Variants in FRRS1 observed in about 807,000 individuals in gnomAD.
FRRS1 encodes ferric reductase 1.
A neutral mutation model predicts 70.7 loss-of-function variants in FRRS1; 51 were observed. The ratio of observed to expected loss-of-function variants is 0.72; its 90% CI spans 0.58 to 0.91. The LOEUF is 0.91. FRRS1 is among the 40% of genes least tolerant of loss of function. The probability of loss-of-function intolerance (pLI) is 0.00; values close to 1 mark genes in which losing one functional copy is unlikely to be tolerated. For missense variants in FRRS1, 672 were observed against 726.0 expected, an observed-to-expected ratio of 0.93 and a Z score of 0.86; for synonymous variants, 225 against 238.7, an observed-to-expected ratio of 0.94 and a Z score of 0.53.
intron 9 of FRRS1, 28 bp from the exon 10 acceptor site, chr1:99,719,675 G>A (rs1389784646): frequency 1.7e-6 from 2 of 1,181,820 alleles, no homozygotes; most frequent in East Asian, 2.3e-5. Context: ...AATTAAACAT[G>A]ACAAAGAATA....
At chr1:99,751,954 C>T (rs1656588799) in intron 1 of FRRS1, among the ~76,000 whole-genome samples, 1 of 152,174 alleles carries the variant, frequency 6.6e-6, no homozygotes. Context: ...TCGTATGCTT[C>T]TATATCAGCA....
chr1:99,728,659 G>C lies in FRRS1; in HGVS notation c.859-19C>G, dbSNP rs1232495981. 6.2e-7 allele frequency: 1 copy of C among 1,607,354 alleles called. No homozygotes were observed. Among genetic ancestry groups the C allele is most frequent in the South Asian group, 1.1e-5 (1 of 90,388 alleles). ...GGGTATCCTACAAACACACACAATGGGTCTTCTCAGCACTTTCCAAAGATT... is the reference window on the plus strand; with the variant it reads ...GGGTATCCTACAAACACACACAATGCGTCTTCTCAGCACTTTCCAAAGATT... On this transcript the variant is annotated intron_variant, in intron 8 of 16. Coordinates refer to ENST00000646001, the MANE Select transcript of FRRS1 (RefSeq NM_001361041.2).
chr1:99,707,069 G>A lies in FRRS1; in HGVS notation c.*1959C>T, dbSNP rs1383799188. On this transcript the variant is annotated 3_prime_UTR_variant, in exon 17 of 17. Coordinates refer to ENST00000646001, the MANE Select transcript of FRRS1 (RefSeq NM_001361041.2). ...TTCAAAAGGAAAATTTAGATTATAA[G>A]TAGCATGGCACATATAGAATATGAA... is the stretch of plus-strand genomic sequence containing the variant. Among the ~76,000 whole-genome samples the A allele has an allele frequency of 2.6e-5, 4 of 151,960 alleles. No individual in the cohort carries two copies. The highest frequency in any genetic ancestry group is 2.9e-5 in the Non-Finnish European group (2 of 68,014).
intron 9 of FRRS1, among the ~76,000 whole-genome samples, chr1:99,725,736 T>G (rs1357293475): frequency 3.3e-5 from 5 of 152,112 alleles, no homozygotes; most frequent in Admixed American, 2.0e-4. Context: ...TCTGAGGGAG[T>G]GTTAGAACTA....
chr1:99,725,592 G>A (rs1256047977), intron 9 of FRRS1, among the ~76,000 whole-genome samples: 1 of 152,136 alleles, frequency 6.6e-6, no homozygotes, highest in Non-Finnish European at 1.5e-5. Flanking sequence ...CATTAAGCGC[G>A]ACACTTGGAG....
At chr1:99,719,835 GA>G (rs1239352280) in intron 9 of FRRS1, among the ~76,000 whole-genome samples, 188 bp from the exon 10 acceptor site, 1 of 152,086 alleles carries the variant, frequency 6.6e-6, no homozygotes, top group Non-Finnish European at 1.5e-5. Flanking sequence ...CAGACTTCCT[GA>G]AAAAAGTTAA....
Position 99,706,628 on chromosome 1 carries a change from T to C in FRRS1, c.*2400A>G, listed in dbSNP as rs1654044143. ...AGAATTTTCAGCTGGGCACAGTGGC[T>C]CGTGCCTGTAATCCCAGCACTTTGG... On this transcript the variant is annotated 3_prime_UTR_variant, in exon 17 of 17. Coordinates refer to ENST00000646001, the MANE Select transcript of FRRS1 (RefSeq NM_001361041.2). 6.6e-6 allele frequency among the ~76,000 whole-genome samples: 1 copy of C among 152,184 alleles called. No homozygotes were observed. The highest frequency in any genetic ancestry group is 1.5e-5 in the Non-Finnish European group (1 of 68,032).
intron 7 of FRRS1, among the ~76,000 whole-genome samples, chr1:99,730,784 G>A (rs892717356): frequency 1.2e-4 from 18 of 150,806 alleles, no homozygotes; most frequent in African/African-American, 3.9e-4. Flanking sequence ...GGAGAATGGC[G>A]TGAACCCGGG....
intron 9 of FRRS1, 74 bp from the exon 10 acceptor site, chr1:99,719,721 G>T (rs1272813733): frequency 2.6e-6 from 2 of 761,674 alleles, no homozygotes; most frequent in African/African-American, 3.5e-5. Flanking sequence ...TTGAGATACG[G>T]GCAGGGCATG....
rs1654412277 is a variant in FRRS1, at chr1:99,714,250, C to A, written c.1323+1336G>T. On this transcript the variant is annotated intron_variant, in intron 12 of 16. Transcript: ENST00000646001. Reference sequence around the variant, plus strand: ...CCAAGCTGGAGTGCAGTGGTGCGATCTCAGCTCACTGCAACCTCCGCCTCC... The same window carrying A: ...CCAAGCTGGAGTGCAGTGGTGCGATATCAGCTCACTGCAACCTCCGCCTCC... Among the ~76,000 whole-genome samples the A allele has an allele frequency of 2.0e-5, 3 of 149,890 alleles. No homozygotes were observed. In the South Asian group the frequency reaches 6.3e-4, roughly 32 times the overall value.
intron 1 of FRRS1, among the ~76,000 whole-genome samples, chr1:99,757,298 G>C (rs113090474): frequency 5.9e-5 from 9 of 152,120 alleles, no homozygotes; most frequent in African/African-American, 1.9e-4. Flanking sequence ...ATCTTAACCT[G>C]CAGTCTGATG....
At chr1:99,743,254 C>T (rs550299298) in intron 4 of FRRS1, among the ~76,000 whole-genome samples, 1 of 152,140 alleles carries the variant, frequency 6.6e-6, no homozygotes, top group Non-Finnish European at 1.5e-5. Context: ...ATTTATCTTG[C>T]AACCACCACC....
chr1:99,737,725 T>C (rs1386384358), intron 7 of FRRS1, among the ~76,000 whole-genome samples: 1 of 152,090 alleles, frequency 6.6e-6, no homozygotes, highest in African/African-American at 2.4e-5. Context: ...GATTCTCCTT[T>C]TGGTTTTTTG....
At chr1:99,744,075 AAAAG>A (rs386367805) in intron 4 of FRRS1, among the ~76,000 whole-genome samples, 7 of 150,278 alleles carry the variant, frequency 4.7e-5, no homozygotes, top group South Asian at 2.1e-4. Flanking sequence ...AAAAAAAAAA[AAAAG>A]AAAGAAAAGA....
intron 1 of FRRS1, among the ~76,000 whole-genome samples, chr1:99,753,559 A>G (rs1309808061): frequency 6.6e-6 from 1 of 152,064 alleles, no homozygotes; most frequent in East Asian, 1.9e-4. Context: ...CGAGGTCAAG[A>G]GATCAAGACC....
Position 99,705,161 on chromosome 1 carries a change from C to T in FRRS1, c.*3867G>A, listed in dbSNP as rs189724407. 6.6e-4 allele frequency among the ~76,000 whole-genome samples: 100 copies of T among 152,336 alleles called. No homozygotes were observed. Among genetic ancestry groups the T allele is most frequent in the African/African-American group, 2.4e-3 (98 of 41,578 alleles). On this transcript the variant is annotated 3_prime_UTR_variant, in exon 17 of 17. Coordinates refer to ENST00000646001, the MANE Select transcript of FRRS1 (RefSeq NM_001361041.2). ...ACATTGCTGTGGGGTCGGAGCCCCACAGCCTGCCCATCTGTATGCTCCCCT... is the reference window on the plus strand; with the variant it reads ...ACATTGCTGTGGGGTCGGAGCCCCATAGCCTGCCCATCTGTATGCTCCCCT...
At chr1:99,715,819 GT>G (rs773031353) in intron 11 of FRRS1, 147 bp from the exon 12 acceptor site, 4 of 444,316 alleles carry the variant, frequency 9.0e-6, no homozygotes, top group African/African-American at 2.1e-5. Flanking sequence ...TTGTAGCCAG[GT>G]TAAGAAAAAA....
intron 2 of FRRS1, 29 bp downstream of exon 2, chr1:99,748,868 G>T: frequency 2.4e-6 from 2 of 817,782 alleles, no homozygotes; most frequent in Non-Finnish European, 3.8e-6. Flanking sequence ...CTTGCTTTCT[G>T]TGTTCAGCAA....
intron 8 of FRRS1, among the ~76,000 whole-genome samples, 179 bp from the exon 9 acceptor site, chr1:99,728,819 GTTTA>G (rs1571116489): frequency 6.6e-6 from 1 of 152,086 alleles, no homozygotes; most frequent in East Asian, 1.9e-4. Context: ...TTTTCTCCCA[GTTTA>G]TTTGTCTTTA....
Sources: gnomAD v4.1 joint callset for allele counts (sites outside exome capture counted in the v4.1 genomes callset) on GRCh38, gnomAD v4.1.1 for gene constraint, MANE v1.5 for transcripts, NCBI Gene and HGNC (gene_info 2026-07-23, HGNC 2026-07-21) for gene names.